Variants in RBM20 observed in about 807,000 individuals in gnomAD.
RBM20 encodes RNA-binding protein 20.
Under a neutral mutation model 110.1 loss-of-function variants are expected in RBM20, and 51 were observed. That is an observed-to-expected ratio of 0.46 (90% CI 0.37 to 0.59). RBM20 has a LOEUF of 0.59. Ranked by LOEUF, RBM20 falls within the 20% of genes least tolerant of loss-of-function variation. The probability of loss-of-function intolerance (pLI) is 0.00; values close to 1 mark genes in which losing one functional copy is unlikely to be tolerated. For missense variants in RBM20, 1,512 were observed against 1,574.9 expected (o/e 0.96, Z 0.68); for synonymous variants, 589 against 618.2 (o/e 0.95, Z 0.70).
chr10:110,741,379 G>A (rs1207846480), intron 1 of RBM20, among the ~76,000 whole-genome samples: 1 of 152,106 alleles, frequency 6.6e-6, no homozygotes, highest in Non-Finnish European at 1.5e-5. Context: ...CAGTATTTAG[G>A]GGACTGCAGC....
At chr10:110,770,711 A>C (rs1844176677) in intron 1 of RBM20, among the ~76,000 whole-genome samples, 1 of 152,246 alleles carries the variant, frequency 6.6e-6, no homozygotes, top group African/African-American at 2.4e-5. Flanking sequence ...ATTGGCTTGA[A>C]TTTTATAACT....
At chr10:110,807,289 T>A (rs1564852578) in intron 7 of RBM20, among the ~76,000 whole-genome samples, 1 of 152,114 alleles carries the variant, frequency 6.6e-6, no homozygotes, top group Non-Finnish European at 1.5e-5. Flanking sequence ...CCAGGAGGTA[T>A]GGGCTGAAAG....
chr10:110,757,378 T>C (rs371474967), intron 1 of RBM20, among the ~76,000 whole-genome samples: 1 of 152,238 alleles, frequency 6.6e-6, no homozygotes, highest in Non-Finnish European at 1.5e-5. Context: ...ATGGGGTTCA[T>C]GTTTTGCTGA....
In RBM20 at chr10:110,767,940, A is replaced by G. The variant is rs554831735; in HGVS notation, c.192-12861A>G. Among the ~76,000 whole-genome samples the G allele has an allele frequency of 9.8e-5, 15 of 152,380 alleles. No homozygotes were observed. The East Asian group carries it at 2.9e-3, about 29-fold the overall frequency. The stretch of plus-strand genomic sequence containing the variant: ...GCCACTGCGCTCCAGCCTGGGCACC[A>G]TTGAGCACTGAGTGAACCAGACTCC... On this transcript the variant is annotated intron_variant, in intron 1 of 13. Transcript: ENST00000369519.
chr10:110,658,748 C>T (rs2134819501), intron 1 of RBM20, among the ~76,000 whole-genome samples: 1 of 152,196 alleles, frequency 6.6e-6, no homozygotes, highest in Non-Finnish European at 1.5e-5. Context: ...GAAGGCCTTT[C>T]CAGATCTGCC....
chr10:110,697,989 G>A (rs1264352767), intron 1 of RBM20, among the ~76,000 whole-genome samples: 6 of 150,686 alleles, frequency 4.0e-5, no homozygotes, highest in South Asian at 4.2e-4. Flanking sequence ...CTCACTGCAA[G>A]CTCCACCTCC....
At chr10:110,643,915 G>A (rs960110616), upstream of RBM20, among the ~76,000 whole-genome samples, 1 of 152,198 alleles carries the variant, frequency 6.6e-6, no homozygotes. Flanking sequence ...CGTCCCGGGC[G>A]CGCTCGGTCC....
chr10:110,655,017 A>G (rs143851527), intron 1 of RBM20, among the ~76,000 whole-genome samples: 30 of 152,322 alleles, frequency 2.0e-4, no homozygotes, highest in African/African-American at 6.5e-4. Context: ...CAACCTTACT[A>G]GGACCCAGGA....
At chr10:110,669,221 G>A (rs1862224537) in intron 1 of RBM20, among the ~76,000 whole-genome samples, 1 of 152,170 alleles carries the variant, frequency 6.6e-6, no homozygotes, top group South Asian at 2.1e-4. Context: ...CTTATGGCTG[G>A]AGAACTATGA....
intron 11 of RBM20, 21 bp from the exon 12 acceptor site, chr10:110,823,443 TTTTTTTTTTTTTTTTG>T: frequency 2.5e-6 from 1 of 394,170 alleles, no homozygotes. Context: ...TTTTTTTTTT[TTTTTTTTTTTTTTTTG>T]CCTTGGTTCA....
At chr10:110,686,732 A>G (rs1038681764) in intron 1 of RBM20, among the ~76,000 whole-genome samples, 1 of 152,188 alleles carries the variant, frequency 6.6e-6, no homozygotes, top group Admixed American at 6.5e-5. Context: ...TCTATCCATC[A>G]TTTATTTTTA....
chr10:110,675,541 A>G (rs1235218670), intron 1 of RBM20, among the ~76,000 whole-genome samples: 2 of 152,216 alleles, frequency 1.3e-5, no homozygotes, highest in Non-Finnish European at 2.9e-5. Flanking sequence ...AAGTCAACCA[A>G]CTTCCAGCGG....
intron 1 of RBM20, among the ~76,000 whole-genome samples, chr10:110,662,012 G>GAAA (rs991849689): frequency 6.9e-6 from 1 of 145,186 alleles, no homozygotes; most frequent in Non-Finnish European, 1.5e-5. Flanking sequence ...CTGGTCTCAG[G>GAAA]AAAAAAAAAA....
intron 1 of RBM20, among the ~76,000 whole-genome samples, chr10:110,671,540 C>T (rs981257546): frequency 3.9e-5 from 6 of 152,132 alleles, no homozygotes; most frequent in Non-Finnish European, 7.3e-5. Context: ...ACCTGTGCCT[C>T]AGTTACTGCC....
intron 1 of RBM20, among the ~76,000 whole-genome samples, chr10:110,727,215 T>C (rs1490147711): frequency 6.8e-6 from 1 of 146,582 alleles, no homozygotes; most frequent in Non-Finnish European, 1.5e-5. Flanking sequence ...TGACACATAA[T>C]GTATGTGTTT....
chr10:110,656,343 A>T (rs938014053), intron 1 of RBM20, among the ~76,000 whole-genome samples: 3 of 152,024 alleles, frequency 2.0e-5, no homozygotes, highest in Admixed American at 6.5e-5. Context: ...ATGTTTCTTC[A>T]TACTTCTTAT....
chr10:110,696,720 G>A (rs1479339832), intron 1 of RBM20, among the ~76,000 whole-genome samples: 1 of 152,212 alleles, frequency 6.6e-6, no homozygotes, highest in African/African-American at 2.4e-5. Flanking sequence ...GGTAAAGAGA[G>A]GGAGAGCCAA....
chr10:110,823,522 C>T lies in RBM20; in HGVS notation c.3359C>T (p.Ser1120Leu), dbSNP rs1478860700. The T allele has an allele frequency of 1.9e-6, 3 of 1,538,924 alleles. No individual in the cohort carries two copies. The highest frequency in any genetic ancestry group is 4.1e-5 in the Admixed American group (2 of 49,322). Residue 1120 changes from serine to leucine, a missense_variant, in exon 12 of 14, where the codon TCA becomes TTA. Transcript: ENST00000369519. ...GAAATGAAATCTCTGGAGGTGAGGT[C>T]ACCAGAGTACACTGAAGTGGAACTG... The part of the protein sequence containing the change: ...YVEMKSLEVR[S>L]PEYTEVELKQ...
rs776193274 is a variant in RBM20, at chr10:110,821,669, T to C, written c.3050T>C (p.Leu1017Pro). ...AAGCCAGCTGAAAGTGAGACAGGCC[T>C]CTCCCTGGAGGATTCAGATTGCTAC... ...ERKPAESETG[L>P]SLEDSDCYEK... Residue 1017 changes from leucine (L) to proline (P), a missense_variant, in exon 11 of 14, where the codon CTC (leucine) becomes CCC (proline). Coordinates refer to ENST00000369519, the MANE Select transcript of RBM20 (RefSeq NM_001134363.3). The C allele has an allele frequency of 6.4e-7, 1 of 1,551,774 alleles. No individual in the cohort carries two copies. Among genetic ancestry groups the C allele is most frequent in the South Asian group, 1.2e-5 (1 of 84,066 alleles).
Sources: gnomAD v4.1 joint callset for allele counts (sites outside exome capture counted in the v4.1 genomes callset) on GRCh38, gnomAD v4.1.1 for gene constraint, MANE v1.5 for transcripts, NCBI Gene and HGNC (gene_info 2026-07-23, HGNC 2026-07-21) for gene names.